The following SV2C variants were observed in gnomAD, a reference collection of about 807,000 sequenced individuals.
SV2C encodes synaptic vesicle glycoprotein 2C.
In SV2C, 49 loss-of-function variants were observed where a neutral mutation model predicts 79.7. That is an observed-to-expected ratio of 0.61 (90% CI 0.49 to 0.78). The LOEUF is 0.78. Ranked by LOEUF, SV2C falls within the 30% of genes least tolerant of loss-of-function variation. The pLI is 0.00. For synonymous variants in SV2C, 334 were observed against 333.2 expected (o/e 1.00, Z -0.03); for missense variants, 833 against 912.9 (o/e 0.91, Z 1.13).
the SV2C span, among the ~76,000 whole-genome samples, chr5:75,925,435 C>T: frequency 3.1e-3 from 474 of 152,276 alleles, 9 homozygotes; most frequent in East Asian, 0.04. Context: ...AGTAATGGAA[C>T]GGGCCAGTAC....
At chr5:75,955,873 A>G in the SV2C span, among the ~76,000 whole-genome samples, 2 of 152,074 alleles carry the variant, frequency 1.3e-5, no homozygotes, top group African/African-American at 4.8e-5. Flanking sequence ...TTAGAATGGC[A>G]ATCATTAAAA....
chr5:76,153,885 G>A (rs34476924), intron 2 of SV2C, among the ~76,000 whole-genome samples: 68,048 of 152,084 alleles, frequency 0.45, 16,792 homozygotes, highest in Middle Eastern at 0.58. Context: ...AAGGAAACAG[G>A]TAATATTCTT....
At chr5:75,954,435 C>T in the SV2C span, among the ~76,000 whole-genome samples, 17,159 of 151,688 alleles carry the variant, frequency 0.11, 2,793 homozygotes, top group African/African-American at 0.36. Flanking sequence ...TTAGCCAATA[C>T]CACACTGAAT....
the SV2C span, chr5:75,910,810 C>A: frequency 7.5e-7 from 1 of 1,326,132 alleles, no homozygotes; most frequent in Non-Finnish European, 1.1e-6. Flanking sequence ...TCTTCCAAAA[C>A]ATTTCCAATT....
chr5:76,253,038 C>A (rs1746160405), intron 4 of SV2C, among the ~76,000 whole-genome samples: 1 of 152,164 alleles, frequency 6.6e-6, no homozygotes, highest in Admixed American at 6.5e-5. Flanking sequence ...AATAATGGCT[C>A]AATCGATAGA....
chr5:76,325,724 A>G lies in SV2C; in HGVS notation c.*177A>G. 2.3e-6 allele frequency: 2 copies of G among 878,500 alleles called. No homozygotes were observed. Among genetic ancestry groups the G allele is most frequent in the Non-Finnish European group, 3.3e-6 (2 of 607,912 alleles). 54.4% of individuals were successfully genotyped at this position (878,500 alleles called of 1,614,324 possible). ...ATCTTGCCCCTTTGTGATTTTGCAC[A>G]GGTTGTTTGTTTGTTTTGTTTTGTT... is the stretch of plus-strand genomic sequence containing the variant. On this transcript the variant is annotated 3_prime_UTR_variant, in exon 13 of 13. Transcript: ENST00000502798.
At chr5:76,218,588 T>C (rs9293681) in intron 4 of SV2C, among the ~76,000 whole-genome samples, 33,338 of 151,948 alleles carry the variant, frequency 0.22, 3,958 homozygotes, top group Non-Finnish European at 0.27. Context: ...GGGAACATCA[T>C]ACACCAAGGC....
the SV2C span, among the ~76,000 whole-genome samples, chr5:75,987,207 T>C: frequency 0.75 from 113,247 of 151,766 alleles, 42,337 homozygotes; most frequent in Middle Eastern, 0.85. Context: ...CATGAACCAG[T>C]AGCAGGCAAA....
At chr5:75,905,075 C>T in the SV2C span, among the ~76,000 whole-genome samples, 33 of 152,146 alleles carry the variant, frequency 2.2e-4, no homozygotes, top group African/African-American at 7.7e-4. Flanking sequence ...CTTTTAGCTT[C>T]AGTTTAGATT....
chr5:76,167,307 G>C (rs1743074868), intron 2 of SV2C, among the ~76,000 whole-genome samples: 1 of 152,242 alleles, frequency 6.6e-6, no homozygotes, highest in South Asian at 2.1e-4. Flanking sequence ...TCTGTAAAAT[G>C]AGTAGTGTGA....
chr5:76,201,896 T>TA (rs1231361833), intron 3 of SV2C, among the ~76,000 whole-genome samples: 1 of 151,398 alleles, frequency 6.6e-6, no homozygotes, highest in Non-Finnish European at 1.5e-5. Flanking sequence ...CAGGCGCCTG[T>TA]AGTCCCAGCC....
the SV2C span, among the ~76,000 whole-genome samples, chr5:75,900,099 C>T: frequency 6.6e-6 from 1 of 152,064 alleles, no homozygotes; most frequent in Non-Finnish European, 1.5e-5. Flanking sequence ...GAATTTGATC[C>T]TGTCATTATG....
At chr5:76,227,682 CAG>C (rs994990039) in intron 4 of SV2C, among the ~76,000 whole-genome samples, 37 of 152,228 alleles carry the variant, frequency 2.4e-4, no homozygotes, top group African/African-American at 8.2e-4. Flanking sequence ...ACTTGAGTCA[CAG>C]AGCCCTGTAA....
chr5:76,343,966 A>G (rs1223825884), intron 12 of SV2C, among the ~76,000 whole-genome samples: 1 of 152,194 alleles, frequency 6.6e-6, no homozygotes, highest in Non-Finnish European at 1.5e-5. Context: ...GGTTACAGTG[A>G]ACGGTGATCA....
intron 4 of SV2C, among the ~76,000 whole-genome samples, chr5:76,259,099 G>A (rs1235659238): frequency 6.6e-6 from 1 of 152,198 alleles, no homozygotes; most frequent in Admixed American, 6.5e-5. Flanking sequence ...TTTTTACAGG[G>A]TTGGGGAAAG....
the SV2C span, among the ~76,000 whole-genome samples, chr5:75,984,863 A>G: frequency 6.6e-6 from 1 of 151,996 alleles, no homozygotes; most frequent in Non-Finnish European, 1.5e-5. Context: ...AATCAGGCCC[A>G]CCCAGATTAC....
chr5:76,073,406 G>C, the SV2C span, among the ~76,000 whole-genome samples: 3 of 150,480 alleles, frequency 2.0e-5, no homozygotes, highest in Admixed American at 2.0e-4. Flanking sequence ...CTGTATGCAT[G>C]TTTAGAGCAT....
the SV2C span, among the ~76,000 whole-genome samples, chr5:75,852,837 A>AAG: frequency 2.2e-4 from 32 of 145,684 alleles, no homozygotes; most frequent in African/African-American, 8.6e-4. Flanking sequence ...AAAAAAAAAA[A>AAG]AAAAAAGAAA....
At chr5:75,933,870 C>G in the SV2C span, among the ~76,000 whole-genome samples, 5 of 152,220 alleles carry the variant, frequency 3.3e-5, no homozygotes, top group Admixed American at 6.5e-5. Flanking sequence ...TCAGGAAAGG[C>G]TCCTCGTTCC....
Sources: gnomAD v4.1 joint callset for allele counts (sites outside exome capture counted in the v4.1 genomes callset) on GRCh38, gnomAD v4.1.1 for gene constraint, MANE v1.5 for transcripts, NCBI Gene and HGNC (gene_info 2026-07-23, HGNC 2026-07-21) for gene names.